Variants in GRM7 observed in about 807,000 individuals in gnomAD.
GRM7 encodes the protein metabotropic glutamate receptor 7.
In GRM7, 35 loss-of-function variants were observed where a neutral mutation model predicts 84.5. The observed-to-expected ratio is 0.41, with a 90% CI of 0.32 to 0.55. GRM7 has a LOEUF of 0.55. GRM7 is among the 20% of genes least tolerant of loss of function. GRM7 has a pLI of 0.19. For missense variants in GRM7, 1,003 were observed against 1,194.6 expected (o/e 0.84, Z 2.36); for synonymous variants, 487 against 455.1 (o/e 1.07, Z -0.89).
At chr3:7,661,794 C>CAAA (rs71043686) in intron 8 of GRM7, among the ~76,000 whole-genome samples, 2,615 of 28,152 alleles carry the variant, frequency 0.093, 703 homozygotes, top group Middle Eastern at 0.12. Context: ...GTCTCCGTCT[C>CAAA]AAAAAAAAAA....
chr3:7,078,929 G>A (rs1033774484), intron 1 of GRM7, among the ~76,000 whole-genome samples: 4 of 151,456 alleles, frequency 2.6e-5, no homozygotes, highest in East Asian at 1.9e-4. Flanking sequence ...GACTATCTTC[G>A]AAGTGAGAAA....
At chr3:7,092,037 C>T (rs1276166012) in intron 1 of GRM7, among the ~76,000 whole-genome samples, 1 of 152,104 alleles carries the variant, frequency 6.6e-6, no homozygotes, top group East Asian at 1.9e-4. Flanking sequence ...GAGATGGAAT[C>T]TCACTCTGTC....
At chr3:7,545,782 G>A (rs1275181815) in intron 7 of GRM7, among the ~76,000 whole-genome samples, 7 of 152,126 alleles carry the variant, frequency 4.6e-5, no homozygotes, top group Non-Finnish European at 1.0e-4. Flanking sequence ...CTGATTATAT[G>A]GGTGTGCTCA....
At chr3:7,200,500 T>C (rs1301539898) in intron 2 of GRM7, among the ~76,000 whole-genome samples, 4 of 152,224 alleles carry the variant, frequency 2.6e-5, no homozygotes, top group African/African-American at 4.8e-5. Flanking sequence ...AGCCCAAGTT[T>C]CTGATTTCTA....
At chr3:7,605,415 C>A (rs190062761) in intron 8 of GRM7, among the ~76,000 whole-genome samples, 26 of 152,048 alleles carry the variant, frequency 1.7e-4, no homozygotes, top group African/African-American at 6.3e-4. Flanking sequence ...GATAAAATGT[C>A]TTTTAGAATA....
chr3:7,552,059 G>A (rs1693503989), intron 7 of GRM7, among the ~76,000 whole-genome samples: 1 of 152,154 alleles, frequency 6.6e-6, no homozygotes, highest in African/African-American at 2.4e-5. Context: ...CAGCATGGGA[G>A]AAACCACTCC....
At chr3:7,025,582 G>A (rs1174913414) in intron 1 of GRM7, among the ~76,000 whole-genome samples, 1 of 152,164 alleles carries the variant, frequency 6.6e-6, no homozygotes, top group East Asian at 1.9e-4. Flanking sequence ...AAATCCCTGA[G>A]TCATGCCTGC....
intron 2 of GRM7, among the ~76,000 whole-genome samples, chr3:7,200,528 G>T (rs186068756): frequency 4.6e-5 from 7 of 152,270 alleles, no homozygotes; most frequent in African/African-American, 1.7e-4. Context: ...CCCAGATGAC[G>T]CCAAAGCATT....
At chr3:7,314,619 A>G (rs1262175359) in intron 4 of GRM7, among the ~76,000 whole-genome samples, 1 of 151,444 alleles carries the variant, frequency 6.6e-6, no homozygotes, top group Non-Finnish European at 1.5e-5. Context: ...TGTAATTTCT[A>G]CTCTTTATTG....
intron 5 of GRM7, among the ~76,000 whole-genome samples, chr3:7,423,795 G>A (rs1439887736): frequency 1.3e-5 from 2 of 152,156 alleles, no homozygotes; most frequent in East Asian, 3.9e-4. Context: ...ACTTTCTAGA[G>A]CTATTCTAAC....
At chr3:7,353,740 A>C (rs1389992464) in intron 4 of GRM7, among the ~76,000 whole-genome samples, 6 of 152,108 alleles carry the variant, frequency 3.9e-5, no homozygotes, top group Non-Finnish European at 7.4e-5. Context: ...AACCACAGTC[A>C]CTCAATTGGA....
At chr3:7,559,617 G>A (rs1693923035) in intron 7 of GRM7, among the ~76,000 whole-genome samples, 1 of 152,028 alleles carries the variant, frequency 6.6e-6, no homozygotes. Context: ...ATTGCTTTAA[G>A]CCATCAATCA....
intron 4 of GRM7, among the ~76,000 whole-genome samples, chr3:7,412,310 G>T (rs1695974873): frequency 6.6e-6 from 1 of 152,130 alleles, no homozygotes. Flanking sequence ...AGGACTCCTG[G>T]TCACTTTCTG....
intron 2 of GRM7, among the ~76,000 whole-genome samples, chr3:7,251,000 G>C (rs1697963804): frequency 6.6e-6 from 1 of 152,272 alleles, no homozygotes; most frequent in Non-Finnish European, 1.5e-5. Flanking sequence ...ATGGAGAAAA[G>C]ATCAATGTGA....
rs568271041 is a variant in GRM7, at chr3:7,359,438, G to A, written c.1033+52786G>A. On this transcript the variant is annotated intron_variant, in intron 4 of 9. Coordinates refer to ENST00000357716, the MANE Select transcript of GRM7 (RefSeq NM_000844.4). The stretch of plus-strand genomic sequence containing the variant: ...CAACCTCCGTCTTCTGGGTTCAAGC[G>A]ATTCTCCTGCCTCAGTCTCCCGAGT... Among the ~76,000 whole-genome samples the A allele has an allele frequency of 4.9e-5, 7 of 143,600 alleles. 2 individuals are homozygous for A. In the South Asian group the frequency reaches 6.5e-4, roughly 13 times the overall value. The allele number at this position is 143,600 out of a possible 152,430, so 94.2% of individuals were successfully genotyped here.
At chr3:6,957,523 A>T (rs977018872) in intron 1 of GRM7, among the ~76,000 whole-genome samples, 5 of 152,234 alleles carry the variant, frequency 3.3e-5, no homozygotes, top group Non-Finnish European at 7.3e-5. Context: ...TGCATAAAAT[A>T]TTTTAAACTG....
At chr3:7,012,169 A>G (rs1265780698) in intron 1 of GRM7, among the ~76,000 whole-genome samples, 1 of 152,114 alleles carries the variant, frequency 6.6e-6, no homozygotes, top group East Asian at 1.9e-4. Context: ...GCCCAGGAGA[A>G]TCCTGTACAT....
chr3:6,951,329 G>A (rs1290913047), intron 1 of GRM7, among the ~76,000 whole-genome samples: 1 of 151,876 alleles, frequency 6.6e-6, no homozygotes, highest in Non-Finnish European at 1.5e-5. Flanking sequence ...CTTACTTTGG[G>A]TATAGTTTTC....
chr3:7,018,752 A>G (rs1365350822), intron 1 of GRM7, among the ~76,000 whole-genome samples: 2 of 152,222 alleles, frequency 1.3e-5, no homozygotes, highest in African/African-American at 2.4e-5. Context: ...GAGATGTCCT[A>G]TATATTAGGC....
Sources: allele counts gnomAD v4.1 joint callset (sites outside exome capture counted in the v4.1 genomes callset), GRCh38; gene constraint gnomAD v4.1.1; transcripts MANE v1.5; gene names NCBI Gene and HGNC (gene_info 2026-07-23, HGNC 2026-07-21).